ZFHX4: variants seen among roughly 807,000 people sequenced by gnomAD.
The protein encoded by ZFHX4 is zinc finger homeobox protein 4.
Under a neutral mutation model 267.6 loss-of-function variants are expected in ZFHX4, and 56 were observed. That is an observed-to-expected ratio of 0.21 (90% CI 0.17 to 0.26). The LOEUF (loss-of-function observed/expected upper bound fraction) is 0.26. Among genes scored for constraint, ZFHX4 ranks in the 10% least tolerant of loss-of-function variants. The pLI, the probability that ZFHX4 is intolerant of heterozygous loss-of-function variation, is 1.00. For missense variants in ZFHX4, 4,332 were observed against 4,420.0 expected (o/e 0.98, Z 0.56); for synonymous variants, 1,778 against 1,665.6 (o/e 1.07, Z -1.64).
Position 76,856,228 on chromosome 8 carries a change from G to A in ZFHX4, c.9307G>A (p.Gly3103Ser), listed in dbSNP as rs538998786. ...SLPTAYPGLP[G>S]LPPVLLPGMN... The stretch of plus-strand genomic sequence containing the variant: ...GCCAACAGCCTACCCCGGACTCCCC[G>A]GCCTTCCTCCAGTCCTTCTCCCCGG... The change falls in exon 10 of 11, where the codon GGC becomes AGC. Residue 3103 changes from glycine (G) to serine (S), a missense_variant. This residue lies in a region of ZFHX4 where 1,648 missense variants were observed against 1,625.0 expected (regional missense o/e 1.01). Transcript: ENST00000651372. 4.4e-5 allele frequency: 71 copies of A among 1,613,870 alleles called. No individual in the cohort carries two copies. In the East Asian group the frequency reaches 4.5e-4, roughly 10 times the overall value.
At chr8:76,826,043 G>T (rs540445843) in intron 4 of ZFHX4, among the ~76,000 whole-genome samples, 2 of 152,238 alleles carry the variant, frequency 1.3e-5, no homozygotes, top group South Asian at 2.1e-4. Context: ...AAGCTTAATT[G>T]GCTTATGGTT....
chr8:76,761,010 T>A (rs2131729563), intron 3 of ZFHX4, among the ~76,000 whole-genome samples: 1 of 151,974 alleles, frequency 6.6e-6, no homozygotes, highest in African/African-American at 2.4e-5. Flanking sequence ...AACACATTTC[T>A]TAGGTGGGGT....
intron 10 of ZFHX4, among the ~76,000 whole-genome samples, chr8:76,862,436 A>G (rs1186131850): frequency 6.6e-6 from 1 of 152,176 alleles, no homozygotes; most frequent in African/African-American, 2.4e-5. Context: ...CTTAACCTAC[A>G]CTCCTAAAAA....
chr8:76,827,002 G>A (rs908840004), intron 4 of ZFHX4, among the ~76,000 whole-genome samples: 4 of 152,194 alleles, frequency 2.6e-5, no homozygotes, highest in African/African-American at 9.7e-5. Flanking sequence ...ATGCTGATGA[G>A]CAACCTAGCA....
At chr8:76,733,518 CG>C (rs1395542704) in intron 3 of ZFHX4, 1 of 152,140 alleles carries the variant, frequency 6.6e-6, no homozygotes, top group Non-Finnish European at 1.5e-5. Context: ...AATTTAATAA[CG>C]GATGTTAAAG....
At chr8:76,845,262 A>G (rs1391681411) in intron 6 of ZFHX4, among the ~76,000 whole-genome samples, 1 of 152,102 alleles carries the variant, frequency 6.6e-6, no homozygotes, top group Non-Finnish European at 1.5e-5. Flanking sequence ...CTTCATTTAT[A>G]TTGTCATTTA....
chr8:76,806,095 T>G (rs1811237877), intron 4 of ZFHX4, among the ~76,000 whole-genome samples: 1 of 152,130 alleles, frequency 6.6e-6, no homozygotes, highest in African/African-American at 2.4e-5. Flanking sequence ...TGGGTTTGCC[T>G]TTTAGGCATG....
At chr8:76,830,693 A>G (rs1159224425) in intron 4 of ZFHX4, among the ~76,000 whole-genome samples, 1 of 152,220 alleles carries the variant, frequency 6.6e-6, no homozygotes, top group Non-Finnish European at 1.5e-5. Flanking sequence ...TAAGTGCCAC[A>G]TGACCTAATT....
intron 4 of ZFHX4, among the ~76,000 whole-genome samples, chr8:76,831,445 A>G (rs1811931302): frequency 6.6e-6 from 1 of 152,180 alleles, no homozygotes; most frequent in Non-Finnish European, 1.5e-5. Context: ...TATCTGTGGT[A>G]TAGTTGACAG....
At chr8:76,750,347 T>C (rs2131704864) in intron 3 of ZFHX4, among the ~76,000 whole-genome samples, 1 of 152,246 alleles carries the variant, frequency 6.6e-6, no homozygotes. Flanking sequence ...GTAAAAAATT[T>C]AACACTGAGT....
In ZFHX4 at chr8:76,853,402, G is replaced by A. The variant is rs1001160726; in HGVS notation, c.6481G>A (p.Glu2161Lys). ...NNSPSEEQIQ[E>K]MAEKSGLSQK... ...TTCTCCAAGTGAAGAACAGATCCAG[G>A]AAATGGCAGAGAAATCTGGCCTCTC... Residue 2161 changes from glutamate (E) to lysine (K), a missense_variant, in exon 10 of 11, where the codon GAA (glutamate) becomes AAA (lysine). Transcript: ENST00000651372. 1.3e-5 allele frequency: 21 copies of A among 1,613,732 alleles called. No homozygotes were observed. Among genetic ancestry groups the A allele is most frequent in the Non-Finnish European group, 1.7e-5 (20 of 1,179,876 alleles).
At chr8:76,795,214 A>G (rs886764617) in intron 4 of ZFHX4, among the ~76,000 whole-genome samples, 6 of 152,186 alleles carry the variant, frequency 3.9e-5, no homozygotes, top group African/African-American at 1.4e-4. Context: ...TTGACATTTG[A>G]CAATATAGGA....
At chr8:76,689,205 T>C (rs529013649) in intron 1 of ZFHX4, among the ~76,000 whole-genome samples, 4 of 152,276 alleles carry the variant, frequency 2.6e-5, no homozygotes, top group African/African-American at 7.2e-5. Context: ...CTTATTAAGG[T>C]ATTTCCATAA....
At chr8:76,827,160 G>T (rs1173763479) in intron 4 of ZFHX4, among the ~76,000 whole-genome samples, 2 of 152,240 alleles carry the variant, frequency 1.3e-5, no homozygotes, top group Non-Finnish European at 2.9e-5. Flanking sequence ...GAGTGGTCAG[G>T]TGTAGATGGT....
chr8:76,845,695 C>T (rs566190547), intron 6 of ZFHX4, among the ~76,000 whole-genome samples: 1 of 151,870 alleles, frequency 6.6e-6, no homozygotes, highest in African/African-American at 2.4e-5. Context: ...GAGTATAAAC[C>T]GTTTACAGCC....
intron 4 of ZFHX4, among the ~76,000 whole-genome samples, chr8:76,817,190 T>C (rs902136319): frequency 6.6e-6 from 1 of 152,194 alleles, no homozygotes; most frequent in Non-Finnish European, 1.5e-5. Context: ...TAAAATAATT[T>C]TTAACTGCAA....
chr8:76,808,427 G>A (rs891987115), intron 4 of ZFHX4, among the ~76,000 whole-genome samples: 2 of 151,840 alleles, frequency 1.3e-5, no homozygotes, highest in African/African-American at 4.8e-5. Flanking sequence ...GTGTTGTTTT[G>A]CGCATTCCTA....
intron 1 of ZFHX4, among the ~76,000 whole-genome samples, chr8:76,686,656 T>C (rs1376736173): frequency 2.0e-5 from 3 of 152,196 alleles, no homozygotes; most frequent in Non-Finnish European, 4.4e-5. Flanking sequence ...TGTCAAACCA[T>C]GTTCATCTCC....
Position 76,856,083 on chromosome 8 carries a change from G to A in ZFHX4, c.9162G>A (p.Thr3054=), listed in dbSNP as rs113880836. ...AGAAAGATTACTTGGCTCCGACCACGGTTCGGCAGCTGATGGCACAGCAAG... is the reference window on the plus strand; with the variant it reads ...AGAAAGATTACTTGGCTCCGACCACAGTTCGGCAGCTGATGGCACAGCAAG... The part of the protein sequence containing the change: ...DREKDYLAPT[T]VRQLMAQQEL... Residue 3054 remains threonine, a synonymous_variant, in exon 10 of 11, where the codon ACG becomes ACA. Transcript: ENST00000651372. 3.7e-6 allele frequency: 6 copies of A among 1,613,964 alleles called. No homozygotes were observed. Among genetic ancestry groups the A allele is most frequent in the Non-Finnish European group, 5.1e-6 (6 of 1,179,874 alleles).
Sources: gnomAD v4.1 joint callset for allele counts (sites outside exome capture counted in the v4.1 genomes callset) on GRCh38, gnomAD v4.1.1 for gene constraint, gnomAD v4.1.1 regional missense constraint, MANE v1.5 for transcripts, NCBI Gene and HGNC (gene_info 2026-07-23, HGNC 2026-07-21) for gene names.